CASD1: variants seen among roughly 807,000 people sequenced by gnomAD.
CASD1 encodes the protein N-acetylneuraminate (7)9-O-acetyltransferase.
A neutral mutation model predicts 100.0 loss-of-function variants in CASD1; 41 were observed. The ratio of observed to expected loss-of-function variants is 0.41; its 90% CI spans 0.32 to 0.53. CASD1 has a LOEUF of 0.53. Ranked by LOEUF, CASD1 falls within the 20% of genes least tolerant of loss-of-function variation. CASD1 has a pLI of 0.25. For synonymous variants in CASD1, 321 were observed against 315.6 expected (o/e 1.02, Z -0.18); for missense variants, 774 against 948.7 (o/e 0.82, Z 2.42).
the CASD1 span, among the ~76,000 whole-genome samples, chr7:94,596,028 G>A: frequency 1.4e-3 from 206 of 152,178 alleles, no homozygotes; most frequent in African/African-American, 4.7e-3. Flanking sequence ...GCTAGTTAAT[G>A]GAGCTTTTCC....
rs189458497 is a variant in CASD1 at position 94,513,490 on chromosome 7, C to T, written c.133+3273C>T. 1.5e-4 allele frequency among the ~76,000 whole-genome samples: 23 copies of T among 152,222 alleles called. No homozygotes were observed. In the East Asian group the frequency reaches 2.5e-3, roughly 17 times the overall value. On this transcript the variant is annotated intron_variant, in intron 1 of 17. Transcript: ENST00000297273. ...TCTAAACGTGCTTTGCCCGTTTATA[C>T]GTCTCACAGTTATTTGATTTTCTCT...
chr7:94,633,922 C>A, the CASD1 span, among the ~76,000 whole-genome samples: 1 of 152,148 alleles, frequency 6.6e-6, no homozygotes, highest in Non-Finnish European at 1.5e-5. Context: ...GTCCAGAGAA[C>A]ACTTGCCAGT....
the CASD1 span, among the ~76,000 whole-genome samples, chr7:94,615,808 A>T: frequency 6.6e-6 from 1 of 152,146 alleles, no homozygotes; most frequent in Non-Finnish European, 1.5e-5. Context: ...GTTGGCAGCC[A>T]TGACATGCCT....
chr7:94,546,294 T>C (rs577043522), intron 12 of CASD1, among the ~76,000 whole-genome samples: 1 of 152,162 alleles, frequency 6.6e-6, no homozygotes, highest in East Asian at 1.9e-4. Context: ...GGTTAGTTAC[T>C]AATAATGTTC....
the CASD1 span, among the ~76,000 whole-genome samples, chr7:94,578,827 C>G: frequency 6.6e-6 from 1 of 152,190 alleles, no homozygotes; most frequent in Non-Finnish European, 1.5e-5. Context: ...GCCTTTGGGT[C>G]TGTGCCCATG....
the CASD1 span, among the ~76,000 whole-genome samples, chr7:94,608,694 A>G: frequency 6.6e-6 from 1 of 152,228 alleles, no homozygotes. Context: ...TACAGCAATC[A>G]AGACAGTGTA....
At chr7:94,588,511 G>C in the CASD1 span, 2 of 1,430,410 alleles carry the variant, frequency 1.4e-6, no homozygotes. Context: ...TCATTCTGAT[G>C]CCAATCTATG....
At chr7:94,594,338 A>G in the CASD1 span, 4 of 152,098 alleles carry the variant, frequency 2.6e-5, no homozygotes, top group African/African-American at 4.8e-5. Flanking sequence ...ACTGCTATTA[A>G]TGGCAACACT....
chr7:94,620,841 A>C, the CASD1 span: 1 of 152,302 alleles, frequency 6.6e-6, no homozygotes, highest in East Asian at 1.9e-4. Context: ...GCTGCCTGCT[A>C]TCTACCCATC....
chr7:94,619,694 A>G, the CASD1 span: 1 of 152,212 alleles, frequency 6.6e-6, no homozygotes, highest in African/African-American at 2.4e-5. Context: ...TTAATTTTTT[A>G]AATGTATGTA....
At chr7:94,559,306 ATG>A (rs371189142), downstream of CASD1, among the ~76,000 whole-genome samples, 11 of 87,126 alleles carry the variant, frequency 1.3e-4, no homozygotes, top group South Asian at 5.8e-4. Context: ...GTGTGTGTGT[ATG>A]TGTGTGTGTG....
the CASD1 span, chr7:94,621,036 C>T: frequency 6.6e-6 from 1 of 152,294 alleles, no homozygotes; most frequent in African/African-American, 2.4e-5. Flanking sequence ...CCTTGAGCTT[C>T]ATGCGGTGTG....
In CASD1 at chr7:94,547,195, T is replaced by G; in HGVS notation, c.1713+20T>G. On this transcript the variant is annotated intron_variant, in intron 13 of 17. Transcript: ENST00000297273. ...TCTCAGGTTTGTACAATCTTTTCAG[T>G]TTATATTTTTTCATATTTTATTTTA... The G allele has an allele frequency of 6.7e-7, 1 of 1,487,508 alleles. No homozygotes were observed. The highest frequency in any genetic ancestry group is 9.1e-7 in the Non-Finnish European group (1 of 1,102,798). The allele number at this position is 1,487,508 out of a possible 1,614,324, so 92.1% of individuals were successfully genotyped here.
the CASD1 span, among the ~76,000 whole-genome samples, chr7:94,603,076 T>C: frequency 1.3e-5 from 2 of 152,120 alleles, no homozygotes; most frequent in African/African-American, 4.8e-5. Context: ...GCCCCAGCAA[T>C]TAATCAAGGA....
chr7:94,611,424 A>G, the CASD1 span, among the ~76,000 whole-genome samples: 57 of 152,016 alleles, frequency 3.7e-4, no homozygotes, highest in Middle Eastern at 3.4e-3. Flanking sequence ...CCATTTATAC[A>G]AAATGTCCAG....
At chr7:94,599,794 T>C in the CASD1 span, 2 of 1,080,838 alleles carry the variant, frequency 1.9e-6, no homozygotes, top group South Asian at 2.5e-5. Context: ...TATATGCTCA[T>C]GGGATCTTGC....
Position 94,509,998 on chromosome 7 carries a change from T to G in CASD1, c.-87T>G. 1 of 1,287,062 alleles carries G rather than the reference T, an allele frequency of 7.8e-7. No homozygotes were observed. The highest frequency in any genetic ancestry group is 2.6e-5 in the South Asian group (1 of 38,446). The allele number at this position is 1,287,062 out of a possible 1,614,324, so 79.7% of individuals were successfully genotyped here. A position where few individuals can be genotyped will look rare whatever the true frequency, so the allele number is the denominator to read the frequency against. On this transcript the variant is annotated 5_prime_UTR_variant, in exon 1 of 18. Transcript: ENST00000297273. ...GGGGAGCTGGCGGCCGCTCCTCGCC[T>G]GGCTGCAGCGGCGGCAGCCCCAGTG... is the stretch of plus-strand genomic sequence containing the variant.
chr7:94,537,631 C>A lies in CASD1; in HGVS notation c.1003C>A (p.Arg335Ser), dbSNP rs775755822. ...ATATTTAATTTTTTACATAATTCAT[C>A]GTAATGCTCATCGGAAGAATAAGCC... is the stretch of plus-strand genomic sequence containing the variant. ...IGYLIFYIIH[R>S]NAHRKNKPCT... Residue 335 changes from arginine (R) to serine (S), a missense_variant, in exon 9 of 18, where the codon CGT (arginine) becomes AGT (serine). Physicochemically the swap from Arg to Ser is moderately radical, Grantham distance 110. Transcript: ENST00000297273. 1.2e-6 allele frequency: 2 copies of A among 1,613,652 alleles called. No homozygotes were observed. Among genetic ancestry groups the A allele is most frequent in the African/African-American group, 1.3e-5 (1 of 74,848 alleles).
At chr7:94,613,920 A>G in the CASD1 span, among the ~76,000 whole-genome samples, 1 of 152,118 alleles carries the variant, frequency 6.6e-6, no homozygotes, top group African/African-American at 2.4e-5. Context: ...TTAATCAATC[A>G]AAAAGTAAGA....
Sources: gnomAD v4.1 joint callset for allele counts (sites outside exome capture counted in the v4.1 genomes callset) on GRCh38, gnomAD v4.1.1 for gene constraint, MANE v1.5 for transcripts, NCBI Gene and HGNC (gene_info 2026-07-23, HGNC 2026-07-21) for gene names.